The following OSBPL8 variants were observed in gnomAD, a reference collection of about 807,000 sequenced individuals.
OSBPL8 encodes the protein oxysterol-binding protein-related protein 8.
A neutral mutation model predicts 125.5 loss-of-function variants in OSBPL8; 59 were observed. The observed-to-expected ratio is 0.47, with a 90% CI of 0.38 to 0.58. The LOEUF is 0.58. Ranked by LOEUF, OSBPL8 falls within the 20% of genes least tolerant of loss-of-function variation. The pLI, the probability that OSBPL8 is intolerant of heterozygous loss-of-function variation, is 0.00. For missense variants in OSBPL8, 758 were observed against 1,047.8 expected, an observed-to-expected ratio of 0.72 and a Z score of 3.82; for synonymous variants, 330 against 338.9, an observed-to-expected ratio of 0.97 and a Z score of 0.29.
chr12:76,403,297 T>C (rs958495717), intron 5 of OSBPL8, among the ~76,000 whole-genome samples: 21 of 152,344 alleles, frequency 1.4e-4, no homozygotes, highest in Admixed American at 7.2e-4. Flanking sequence ...TTCCTACCTA[T>C]CGAGTGAGTA....
intron 2 of OSBPL8, among the ~76,000 whole-genome samples, chr12:76,477,315 A>T (rs1403176993): frequency 1.3e-5 from 2 of 152,144 alleles, no homozygotes; most frequent in Admixed American, 1.3e-4. Context: ...TTTAATGGGA[A>T]ATTTACTAAC....
At chr12:76,544,527 T>C (rs897509153) in intron 1 of OSBPL8, among the ~76,000 whole-genome samples, 3 of 152,188 alleles carry the variant, frequency 2.0e-5, no homozygotes, top group Non-Finnish European at 4.4e-5. Flanking sequence ...ACATAAGTTC[T>C]AGAATAATAA....
rs1953517532 is a variant in OSBPL8, at chr12:76,390,614, C to T, written c.973G>A (p.Asp325Asn). 1 of 1,613,478 alleles carries T rather than the reference C, an allele frequency of 6.2e-7. No homozygotes were observed. The highest frequency in any genetic ancestry group is 8.5e-7 in the Non-Finnish European group (1 of 1,179,704). ...TTATCAGATTTATCAGAATACATAT[C>T]TTGGTCCTTAAAATGTTGTCGTTCA... ...EIERQHFKDQ[D>N]MYSDKSDKEN... Residue 325 changes from aspartate to asparagine, a missense_variant, in exon 11 of 24, where the codon GAT becomes AAT. By Grantham distance (23) the Asp-to-Asn change is conservative. Transcript: ENST00000261183.
intron 1 of OSBPL8, among the ~76,000 whole-genome samples, chr12:76,550,472 G>A (rs1300734042): frequency 2.6e-5 from 4 of 152,134 alleles, no homozygotes; most frequent in East Asian, 1.9e-4. Flanking sequence ...GGGAAAAAAC[G>A]TGTATTTGTT....
In OSBPL8 at chr12:76,384,460, A is replaced by G. The variant is rs1324357592; in HGVS notation, c.1534-110T>C. ...CATTATCAAAAGTTCAAGTCTTATA[A>G]TGAGTAAGAAAAAACATTTAATAAG... On this transcript the variant is annotated intron_variant, in intron 14 of 23. Transcript: ENST00000261183. 5.5e-6 allele frequency: 3 copies of G among 550,398 alleles called. No homozygotes were observed. In the East Asian group the frequency reaches 1.0e-4, roughly 18 times the overall value. 34.1% of individuals were successfully genotyped at this position (550,398 alleles called of 1,614,324 possible).
intron 1 of OSBPL8, among the ~76,000 whole-genome samples, chr12:76,526,565 AT>A (rs2137299824): frequency 6.6e-6 from 1 of 150,720 alleles, no homozygotes; most frequent in Admixed American, 6.6e-5. Flanking sequence ...ATATTTTCTA[AT>A]ATATAATATA....
At chr12:76,491,726 T>C (rs1482971424) in intron 1 of OSBPL8, among the ~76,000 whole-genome samples, 1 of 152,234 alleles carries the variant, frequency 6.6e-6, no homozygotes, top group East Asian at 1.9e-4. Context: ...ACTTAACTAA[T>C]ACTGCCAACT....
intron 1 of OSBPL8, among the ~76,000 whole-genome samples, chr12:76,545,983 T>C (rs1950772089): frequency 6.6e-6 from 1 of 152,100 alleles, no homozygotes; most frequent in African/African-American, 2.4e-5. Flanking sequence ...TATACACGGA[T>C]TTTTTTCAGC....
chr12:76,458,066 G>C (rs907982499), intron 3 of OSBPL8, among the ~76,000 whole-genome samples: 3 of 151,792 alleles, frequency 2.0e-5, no homozygotes, highest in Non-Finnish European at 4.4e-5. Flanking sequence ...GAGTCCAGGA[G>C]TTTAAGACCA....
Position 76,530,714 on chromosome 12 carries a change from C to T in OSBPL8, c.-68+28683G>A, listed in dbSNP as rs188089501. ...AGTGCCTATCACAGGAGGTGCCTAT[C>T]ACAGTAGGTGCTCCTTAGACACTTA... On this transcript the variant is annotated intron_variant, in intron 1 of 23. Transcript: ENST00000261183. Among the ~76,000 whole-genome samples the T allele has an allele frequency of 2.6e-5, 4 of 152,268 alleles. No homozygotes were observed. In the East Asian group the frequency reaches 7.7e-4, roughly 29 times the overall value.
intron 2 of OSBPL8, among the ~76,000 whole-genome samples, chr12:76,485,143 G>A (rs7953904): frequency 8.4e-4 from 127 of 151,832 alleles, no homozygotes; most frequent in African/African-American, 2.7e-3. Context: ...GGCTGGTCTC[G>A]AGCTCCTGAC....
intron 1 of OSBPL8, among the ~76,000 whole-genome samples, chr12:76,544,625 T>C (rs1044673218): frequency 1.5e-4 from 23 of 152,296 alleles, no homozygotes; most frequent in African/African-American, 5.5e-4. Flanking sequence ...ACGCATGCTA[T>C]AAAGCAAAAG....
chr12:76,433,087 A>G lies in OSBPL8; in HGVS notation c.217+17764T>C, dbSNP rs531080293. ...TAGAAGAAACTTATGTAAACACAAT[A>G]AAGACCACATATGAAATGCCCACTG... On this transcript the variant is annotated intron_variant, in intron 4 of 23. Coordinates refer to ENST00000261183, the MANE Select transcript of OSBPL8 (RefSeq NM_020841.5). 3.3e-5 allele frequency among the ~76,000 whole-genome samples: 5 copies of G among 152,320 alleles called. No individual in the cohort carries two copies. In the South Asian group the frequency reaches 1.0e-3, roughly 32 times the overall value.
chr12:76,412,305 T>C (rs1035861103), intron 4 of OSBPL8, among the ~76,000 whole-genome samples: 2 of 152,178 alleles, frequency 1.3e-5, no homozygotes, highest in Non-Finnish European at 1.5e-5. Context: ...GTAGTTTACC[T>C]TTTGGAGGAA....
chr12:76,417,040 C>A (rs1174425076), intron 4 of OSBPL8, among the ~76,000 whole-genome samples: 1 of 152,168 alleles, frequency 6.6e-6, no homozygotes, highest in East Asian at 1.9e-4. Flanking sequence ...AACTTATTTA[C>A]CTCCCTTCCA....
intron 1 of OSBPL8, among the ~76,000 whole-genome samples, chr12:76,557,746 GC>G (rs1951152087): frequency 6.6e-6 from 1 of 151,812 alleles, no homozygotes; most frequent in African/African-American, 2.4e-5. Context: ...GTTTTCTAAG[GC>G]TTCCAATTTT....
At chr12:76,524,637 GAA>G (rs2137285751) in intron 1 of OSBPL8, among the ~76,000 whole-genome samples, 1 of 148,822 alleles carries the variant, frequency 6.7e-6, no homozygotes, top group Non-Finnish European at 1.5e-5. Context: ...AAAGAAAAAA[GAA>G]AAGAAAATCA....
At chr12:76,392,547 A>C in intron 10 of OSBPL8, 34 bp downstream of exon 10, 1 of 1,575,926 alleles carries the variant, frequency 6.3e-7, no homozygotes, top group Non-Finnish European at 8.7e-7. Context: ...ATGGTCTCTG[A>C]AACATTACCA....
intron 1 of OSBPL8, among the ~76,000 whole-genome samples, chr12:76,502,389 C>T (rs982532552): frequency 6.6e-6 from 1 of 152,160 alleles, no homozygotes; most frequent in African/African-American, 2.4e-5. Flanking sequence ...CCACTGAACT[C>T]GAAGTTAAGA....
Sources: allele counts gnomAD v4.1 joint callset (sites outside exome capture counted in the v4.1 genomes callset), GRCh38; gene constraint gnomAD v4.1.1; transcripts MANE v1.5; gene names NCBI Gene and HGNC (gene_info 2026-07-23, HGNC 2026-07-21).